Variants in CSPG4 observed in about 807,000 individuals in gnomAD.
CSPG4 encodes chondroitin sulfate proteoglycan 4.
CSPG4 carries 74 observed loss-of-function variants against 139.3 expected under a neutral mutation model. The ratio of observed to expected loss-of-function variants is 0.53; its 90% CI spans 0.44 to 0.64. The LOEUF is 0.64. Among genes scored for constraint, CSPG4 ranks in the 30% least tolerant of loss-of-function variants. The pLI is 0.00. For missense variants in CSPG4, 2,565 were observed against 3,148.3 expected (o/e 0.81, Z 4.43); for synonymous variants, 1,234 against 1,394.2 (o/e 0.89, Z 2.56).
Position 75,685,480 on chromosome 15 carries a change from G to A in CSPG4, c.4011C>T (p.Ala1337=), listed in dbSNP as rs1254271141. The part of the protein sequence containing the change: ...AWSDAFSLDV[A]SGLGAPLEGV... ...CCTCGAGGGGAGCACCCAGGCCTGA[G>A]GCCACATCCAGCGAGAAGGCATCGC... The change falls in exon 4 of 10, where the codon GCC becomes GCT. Residue 1337 remains alanine, a synonymous_variant. Coordinates refer to ENST00000308508, the MANE Select transcript of CSPG4 (RefSeq NM_001897.5). The A allele has an allele frequency of 5.0e-6, 8 of 1,611,968 alleles. No homozygotes were observed. The highest frequency in any genetic ancestry group is 5.9e-6 in the Non-Finnish European group (7 of 1,179,886).
Position 75,676,369 on chromosome 15 carries a change from C to T in CSPG4, c.6150G>A (p.Trp2050Ter). The T allele has an allele frequency of 6.2e-7, 1 of 1,613,430 alleles. No individual in the cohort carries two copies. The highest frequency in any genetic ancestry group is 8.5e-7 in the Non-Finnish European group (1 of 1,180,022). ...CACCCTGGGGCCATGGCCCACCTGC[C>T]CACACATGCAGCAGAGCCCTCACAG... is the stretch of plus-strand genomic sequence containing the variant. ...NVTVRALLHVWAGGPWPQGAT... is the reference protein window; with the variant it reads ...NVTVRALLHV The change falls in exon 10 of 10, where the codon TGG (tryptophan) becomes TGA (stop). Residue 2050 changes from tryptophan (W) to a stop codon, truncating the protein, a stop_gained. Transcript: ENST00000308508. LOFTEE classifies it high-confidence loss of function.
chr15:75,692,076 G>A (rs1363294495), intron 2 of CSPG4, among the ~76,000 whole-genome samples: 3 of 152,126 alleles, frequency 2.0e-5, no homozygotes, highest in Admixed American at 2.0e-4. Context: ...CCTTCTCCTG[G>A]GTTCAAGTGA....
chr15:75,694,969 A>G (rs915318580), intron 1 of CSPG4, among the ~76,000 whole-genome samples: 1 of 152,186 alleles, frequency 6.6e-6, no homozygotes. Flanking sequence ...TGCAGGATAG[A>G]GCCACCACCG....
chr15:75,678,799 C>T (rs966997397), intron 8 of CSPG4: 24 of 456,156 alleles, frequency 5.3e-5, no homozygotes, highest in African/African-American at 1.6e-4. Flanking sequence ...GCTCCCCCAT[C>T]GCCACATCTC....
At chr15:75,680,334 A>G (rs1211287832) in intron 8 of CSPG4, 1 of 152,254 alleles carries the variant, frequency 6.6e-6, no homozygotes, top group Non-Finnish European at 1.5e-5. Context: ...GTTCTAAAGG[A>G]AGTGGCTGCT....
chr15:75,696,376 G>T lies in CSPG4; in HGVS notation c.89-3143C>A, dbSNP rs576400983. 3.8e-4 allele frequency among the ~76,000 whole-genome samples: 58 copies of T among 152,236 alleles called. No homozygotes were observed. The highest frequency in any genetic ancestry group is 7.2e-4 in the Non-Finnish European group (49 of 68,010). ...GGGCAGGAAGAGTGCTGCGTGTATGGGTTTCTCTCTCTGGAAGGCGCGTCA... is the reference window on the plus strand; with the variant it reads ...GGGCAGGAAGAGTGCTGCGTGTATGTGTTTCTCTCTCTGGAAGGCGCGTCA... On this transcript the variant is annotated intron_variant, in intron 1 of 9. Transcript: ENST00000308508. This position sits in a 1 kb window ranked among gnomAD's most constrained non-coding sequence, Gnocchi z 4.2.
intron 1 of CSPG4, among the ~76,000 whole-genome samples, chr15:75,708,555 C>A (rs1324194688): frequency 2.0e-5 from 3 of 152,080 alleles, no homozygotes; most frequent in Non-Finnish European, 4.4e-5. Flanking sequence ...TCTGTCCCTG[C>A]AGACCTCTCT....
chr15:75,698,557 TG>T lies in CSPG4; in HGVS notation c.89-5325del, dbSNP rs1183132206. On this transcript the variant is annotated intron_variant, in intron 1 of 9. Coordinates refer to ENST00000308508, the MANE Select transcript of CSPG4 (RefSeq NM_001897.5). The surrounding 1 kb of genome is among the most constrained non-coding windows in gnomAD (Gnocchi z 4.3). ...GCATGGGTGAGTGTGTGCAGGAATGTGGGTCAGTGTCACATGTACACACGTG... is the reference window on the plus strand; with the variant it reads ...GCATGGGTGAGTGTGTGCAGGAATGTGGTCAGTGTCACATGTACACACGTG... 6.6e-6 allele frequency among the ~76,000 whole-genome samples: 1 copy of T among 151,846 alleles called. No homozygotes were observed. Among genetic ancestry groups the T allele is most frequent in the African/African-American group, 2.4e-5 (1 of 41,310 alleles).
chr15:75,703,759 C>T (rs1156673053), intron 1 of CSPG4, among the ~76,000 whole-genome samples: 8 of 136,812 alleles, frequency 5.8e-5, no homozygotes, highest in Admixed American at 1.4e-4. Flanking sequence ...CCAGCCTCTA[C>T]GCAGACCCCT....
chr15:75,687,578 C>A lies in CSPG4; in HGVS notation c.3487G>T (p.Glu1163Ter). ...CCAGCTGTGACGTGGTAGTGGACCTCATCCCCACTGCGGATGTCGAGGTTG... is the reference window on the plus strand; with the variant it reads ...CCAGCTGTGACGTGGTAGTGGACCTAATCCCCACTGCGGATGTCGAGGTTG... ...DTNLDIRSGDEVHYHVTAGPR... is the reference protein window; with the variant it reads ...DTNLDIRSGD The change falls in exon 3 of 10, where the codon GAG becomes TAG. Residue 1163 changes from glutamate to a stop codon, truncating the protein, a stop_gained. Transcript: ENST00000308508. LOFTEE classifies it high-confidence loss of function. This position sits in a 1 kb window ranked among gnomAD's most constrained non-coding sequence, Gnocchi z 5.4. 6.2e-7 allele frequency: 1 copy of A among 1,610,666 alleles called. No homozygotes were observed. Among genetic ancestry groups the A allele is most frequent in the Non-Finnish European group, 8.5e-7 (1 of 1,178,426 alleles).
At position 75,687,680 on chromosome 15, in the gene CSPG4, C is replaced by T. The variant is rs777064724; in HGVS notation, c.3385G>A (p.Val1129Met). 3.1e-6 allele frequency: 5 copies of T among 1,612,934 alleles called. No homozygotes were observed. In the East Asian group the frequency reaches 8.9e-5, roughly 29 times the overall value. Residue 1129 changes from valine to methionine, a missense_variant, in exon 3 of 10, where the codon GTG becomes ATG. Transcript: ENST00000308508. This position sits in a 1 kb window ranked among gnomAD's most constrained non-coding sequence, Gnocchi z 5.4. Reference protein sequence around the residue: ...EVQASEPYLRVANGSSLVVPQ... With the variant: ...EVQASEPYLRMANGSSLVVPQ... Reference sequence around the variant, plus strand: ...ACCACAAGGCTGGAGCCGTTGGCCACACGGAGGTAGGGTTCCGAGGCCTGC... The same window carrying T: ...ACCACAAGGCTGGAGCCGTTGGCCATACGGAGGTAGGGTTCCGAGGCCTGC...
intron 2 of CSPG4, 87 bp downstream of exon 2, chr15:75,692,983 G>T (rs1413519021): frequency 1.5e-6 from 1 of 650,798 alleles, no homozygotes; most frequent in Non-Finnish European, 2.7e-6. Flanking sequence ...ACTTACACAA[G>T]GTCACACAGC....
intron 5 of CSPG4, among the ~76,000 whole-genome samples, chr15:75,683,643 C>G (rs1245047936): frequency 6.6e-6 from 1 of 152,182 alleles, no homozygotes; most frequent in East Asian, 1.9e-4. Flanking sequence ...GCAAAGGGGA[C>G]CCCTTTTTCA....
At chr15:75,702,360 C>A (rs1228117038) in intron 1 of CSPG4, among the ~76,000 whole-genome samples, 1 of 152,282 alleles carries the variant, frequency 6.6e-6, no homozygotes, top group Non-Finnish European at 1.5e-5. Context: ...TGTCCTCATG[C>A]TCTTTCAGGA....
rs1894120909 is a variant in CSPG4 at position 75,689,277 on chromosome 15, G to T, written c.1788C>A (p.Gly596=). ...ACEGLTFQVL[G]TSSGLPVERR... ...GCTCCACGGGGAGGCCAGAGGAGGT[G>T]CCAAGGACCTGGAAGGTGAGGCCCT... The change falls in exon 3 of 10, where the codon GGC becomes GGA. Residue 596 remains glycine, a synonymous_variant. Coordinates refer to ENST00000308508, the MANE Select transcript of CSPG4 (RefSeq NM_001897.5). 6.2e-7 allele frequency: 1 copy of T among 1,610,784 alleles called. No homozygotes were observed. The highest frequency in any genetic ancestry group is 1.3e-5 in the African/African-American group (1 of 75,006).
At chr15:75,697,350 G>A (rs1894241540) in intron 1 of CSPG4, among the ~76,000 whole-genome samples, 1 of 152,220 alleles carries the variant, frequency 6.6e-6, no homozygotes, top group Non-Finnish European at 1.5e-5. Flanking sequence ...GAGGGCCCCG[G>A]CCTGGGGCCC....
At chr15:75,709,837 C>T (rs1392016188) in intron 1 of CSPG4, among the ~76,000 whole-genome samples, 3 of 152,112 alleles carry the variant, frequency 2.0e-5, no homozygotes, top group Admixed American at 6.5e-5. Context: ...AAAGGCCCTT[C>T]TTGTCCTGCC....
In CSPG4 at chr15:75,676,158, C is replaced by T. The variant is rs866459884; in HGVS notation, c.6361G>A (p.Gly2121Arg). The change falls in exon 10 of 10, where the codon GGG becomes AGG. Residue 2121 changes from glycine to arginine, a missense_variant. Coordinates refer to ENST00000308508, the MANE Select transcript of CSPG4 (RefSeq NM_001897.5). ...CTGCCCACCTCCAGCCCCAGCCTCC[C>T]GTCCTCAAGGTCCTGCTGAGTGAAC... is the stretch of plus-strand genomic sequence containing the variant. ...EQFTQQDLED[G>R]RLGLEVGRPE... 3 of 1,547,688 alleles carry T rather than the reference C, an allele frequency of 1.9e-6. No individual in the cohort carries two copies. The highest frequency in any genetic ancestry group is 1.7e-4 in the Middle Eastern group (1 of 5,994).
At position 75,692,169 on chromosome 15, in the gene CSPG4, A is replaced by G. The variant is rs142608905; in HGVS notation, c.252+901T>C. 5.6e-3 allele frequency among the ~76,000 whole-genome samples: 853 copies of G among 152,222 alleles called. 7 individuals carry two copies. Among genetic ancestry groups the G allele is most frequent in the African/African-American group, 0.02 (825 of 41,530 alleles). On this transcript the variant is annotated intron_variant, in intron 2 of 9. Coordinates refer to ENST00000308508, the MANE Select transcript of CSPG4 (RefSeq NM_001897.5). ...GCTAATTTTTTTGTATTTTTATTAG[A>G]GACACGGTTTCACCATGTTGGCCAG...
Sources: gnomAD v4.1 joint callset for allele counts (sites outside exome capture counted in the v4.1 genomes callset) on GRCh38, gnomAD v4.1.1 for gene constraint, Gnocchi (gnomAD v3.1) non-coding constraint, MANE v1.5 for transcripts, NCBI Gene and HGNC (gene_info 2026-07-23, HGNC 2026-07-21) for gene names.